Variants in ABCG2 observed in about 807,000 individuals in gnomAD.
The protein encoded by ABCG2 is ATP binding cassette subfamily G member 2 (JR blood group), also known as broad substrate specificity ATP-binding cassette transporter ABCG2.
ABCG2 carries 80 observed loss-of-function variants against 73.5 expected under a neutral mutation model. The observed-to-expected ratio is 1.09, with a 90% confidence interval of 0.91 to 1.31. The LOEUF is 1.31. Among genes scored for constraint, ABCG2 ranks in the 50% most tolerant of loss-of-function variants. The pLI is 0.00. For missense variants in ABCG2, 796 were observed against 786.2 expected, an observed-to-expected ratio of 1.01 and a Z score of -0.15; for synonymous variants, 269 against 282.4, an observed-to-expected ratio of 0.95 and a Z score of 0.48.
chr4:88,161,240 A>G (rs1727290356), upstream of ABCG2, among the ~76,000 whole-genome samples: 1 of 129,994 alleles, frequency 7.7e-6, no homozygotes, highest in African/African-American at 2.9e-5. Context: ...TTACATATGT[A>G]TACATGTGCC....
At chr4:88,138,214 T>TTA (rs1725382572) in intron 2 of ABCG2, among the ~76,000 whole-genome samples, 1 of 152,202 alleles carries the variant, frequency 6.6e-6, no homozygotes, top group Non-Finnish European at 1.5e-5. Flanking sequence ...TCCAAGAGTA[T>TTA]AATGAATTTC....
chr4:88,128,895 T>A (rs1422915910), intron 5 of ABCG2, among the ~76,000 whole-genome samples: 2 of 152,164 alleles, frequency 1.3e-5, no homozygotes, highest in Non-Finnish European at 2.9e-5. Flanking sequence ...GTTCTGCACA[T>A]GTATCCCAGA....
rs569567723 is a variant in ABCG2 at position 88,108,176 on chromosome 4, A to G, written c.1195-910T>C. On this transcript the variant is annotated intron_variant, in intron 9 of 15. Coordinates refer to ENST00000237612, the MANE Select transcript of ABCG2 (RefSeq NM_004827.3). ...GTTAATTTAAGGGTTACGTTATGAT[A>G]TAATTTATCTGAGAAAATCCTATTT... 2.0e-5 allele frequency among the ~76,000 whole-genome samples: 3 copies of G among 152,284 alleles called. No individual in the cohort carries two copies. The East Asian group carries it at 5.8e-4, about 29-fold the overall frequency.
intron 1 of ABCG2, among the ~76,000 whole-genome samples, chr4:88,146,306 T>C (rs1244190538): frequency 6.8e-6 from 1 of 147,312 alleles, no homozygotes. Flanking sequence ...CAGGTTAATA[T>C]GACCAAAAAA....
At chr4:88,121,542 CTTTGATCATT>C in intron 6 of ABCG2, 83 bp downstream of exon 6, 2 of 1,193,082 alleles carry the variant, frequency 1.7e-6, no homozygotes. Flanking sequence ...GAAGAAATTA[CTTTGATCATT>C]TCTGAACCCC....
intron 1 of ABCG2, among the ~76,000 whole-genome samples, chr4:88,195,472 T>A (rs1474368902): frequency 1.3e-5 from 2 of 152,130 alleles, no homozygotes; most frequent in Non-Finnish European, 2.9e-5. Context: ...GGCACCAAAA[T>A]ATGTTAGTAG....
In ABCG2 at chr4:88,172,609, A is replaced by T. The variant is rs531667030; in HGVS notation, c.-19-32595T>A. On this transcript the variant is annotated intron_variant, in intron 1 of 15. Transcript: ENST00000515655. ...AAAAAAAAAAATTAATTAATTAATT[A>T]AATTAATAAGTAAATAAAGTATAGA... Among the ~76,000 whole-genome samples, 14 of 152,022 alleles carry T rather than the reference A, an allele frequency of 9.2e-5. No homozygotes were observed. The East Asian group carries it at 2.7e-3, about 29-fold the overall frequency.
intron 1 of ABCG2, among the ~76,000 whole-genome samples, chr4:88,205,671 T>TTTTATTTA (rs146987121): frequency 1.8e-4 from 27 of 150,470 alleles, no homozygotes; most frequent in African/African-American, 4.6e-4. Flanking sequence ...TCATTTTATC[T>TTTTATTTA]TTTATTTATT....
intron 2 of ABCG2, among the ~76,000 whole-genome samples, chr4:88,134,738 T>C (rs1184650820): frequency 1.3e-5 from 2 of 152,244 alleles, no homozygotes; most frequent in Non-Finnish European, 2.9e-5. Context: ...TACTTTGGGA[T>C]GAAACCCTGG....
intron 10 of ABCG2, among the ~76,000 whole-genome samples, chr4:88,103,837 G>A (rs565378657): frequency 1.2e-4 from 19 of 152,116 alleles, no homozygotes; most frequent in Non-Finnish European, 2.6e-4. Flanking sequence ...AGCTTTCTGC[G>A]TTTGGCTTAT....
At chr4:88,192,121 C>T (rs181832704) in intron 1 of ABCG2, among the ~76,000 whole-genome samples, 49 of 150,402 alleles carry the variant, frequency 3.3e-4, no homozygotes, top group Non-Finnish European at 5.0e-4. Flanking sequence ...GTGGAGGTTG[C>T]GGTGAGCCAA....
At chr4:88,101,893 G>A (rs913988750) in intron 10 of ABCG2, among the ~76,000 whole-genome samples, 2 of 152,234 alleles carry the variant, frequency 1.3e-5, no homozygotes, top group Non-Finnish European at 2.9e-5. Flanking sequence ...TGGTATGGCA[G>A]CCAGGCCAAT....
chr4:88,188,917 G>A (rs1578265462), intron 1 of ABCG2, among the ~76,000 whole-genome samples: 1 of 152,162 alleles, frequency 6.6e-6, no homozygotes, highest in East Asian at 1.9e-4. Context: ...GGAGGCTGAG[G>A]TAGGAGAATC....
chr4:88,128,049 A>T (rs374104159), intron 5 of ABCG2, among the ~76,000 whole-genome samples: 12 of 152,324 alleles, frequency 7.9e-5, no homozygotes, highest in Admixed American at 3.3e-4. Context: ...TAATATCCAG[A>T]AACTACAAAG....
At chr4:88,193,819 A>G (rs532234129) in intron 1 of ABCG2, among the ~76,000 whole-genome samples, 10 of 152,318 alleles carry the variant, frequency 6.6e-5, no homozygotes, top group Non-Finnish European at 1.2e-4. Context: ...ATCTTGGCTC[A>G]CTGCAACCTC....
chr4:88,179,788 C>A (rs1417264010), intron 1 of ABCG2, among the ~76,000 whole-genome samples: 1 of 152,128 alleles, frequency 6.6e-6, no homozygotes, highest in Non-Finnish European at 1.5e-5. Flanking sequence ...AATTGACATA[C>A]TGAATAATGC....
chr4:88,150,975 AC>A (rs1726437601), intron 1 of ABCG2, among the ~76,000 whole-genome samples: 1 of 152,130 alleles, frequency 6.6e-6, no homozygotes. Flanking sequence ...CTCCTCTTAC[AC>A]TGCCCAAACT....
At chr4:88,130,605 G>T (rs1469048232) in intron 5 of ABCG2, among the ~76,000 whole-genome samples, 2 of 151,998 alleles carry the variant, frequency 1.3e-5, no homozygotes, top group African/African-American at 4.8e-5. Flanking sequence ...CAAAAGTTGG[G>T]GACTGCTGAT....
At chr4:88,221,931 A>C (rs1730025512) in intron 1 of ABCG2, among the ~76,000 whole-genome samples, 1 of 152,222 alleles carries the variant, frequency 6.6e-6, no homozygotes, top group Non-Finnish European at 1.5e-5. Context: ...TCACCAAGAC[A>C]ATGGAGAAAA....
Sources: allele counts gnomAD v4.1 joint callset (sites outside exome capture counted in the v4.1 genomes callset), GRCh38; gene constraint gnomAD v4.1.1; transcripts MANE v1.5; gene names NCBI Gene and HGNC (gene_info 2026-07-23, HGNC 2026-07-21).